Variants in IL12RB1 observed in about 807,000 individuals in gnomAD.
IL12RB1 encodes the protein interleukin 12 receptor subunit beta 1.
IL12RB1 carries 64 observed loss-of-function variants against 94.4 expected under a neutral mutation model. The ratio of observed to expected loss-of-function variants is 0.68; its 90% CI spans 0.55 to 0.83. IL12RB1 has a LOEUF of 0.83. Among genes scored for constraint, IL12RB1 ranks in the 40% least tolerant of loss-of-function variants. The probability of loss-of-function intolerance (pLI) is 0.00; values close to 1 mark genes in which losing one functional copy is unlikely to be tolerated. For missense variants in IL12RB1, 814 were observed against 855.6 expected (o/e 0.95, Z 0.61); for synonymous variants, 362 against 355.5 (o/e 1.02, Z -0.21).
intron 1 of IL12RB1, among the ~76,000 whole-genome samples, chr19:18,094,849 T>C (rs1203212194): frequency 6.6e-6 from 1 of 151,088 alleles, no homozygotes; most frequent in African/African-American, 2.4e-5. Flanking sequence ...ACCCCGGAAG[T>C]CCATTCCTAG....
chr19:18,064,800 A>C (rs2034457139), intron 12 of IL12RB1, among the ~76,000 whole-genome samples: 3 of 152,038 alleles, frequency 2.0e-5, no homozygotes. Context: ...GGGCAGGTGG[A>C]TCTGAGGTTG....
Position 18,059,984 on chromosome 19 carries a change from A to G in IL12RB1, c.1893T>C (p.Pro631=). Residue 631 remains proline, a synonymous_variant, in exon 16 of 17, where the codon CCT becomes CCC. Transcript: ENST00000593993. ...MSWDKGERTE[P]LEKTELPEGA... is the part of the protein sequence containing the mutation. ...CCTCAGGTAGCTCTGTCTTCTCGAG[A>G]GGCTCAGTCCTCTCGCCTTTGTCCC... 5 of 1,601,652 alleles carry G rather than the reference A, an allele frequency of 3.1e-6. No individual in the cohort carries two copies. Among genetic ancestry groups the G allele is most frequent in the Non-Finnish European group, 4.3e-6 (5 of 1,172,304 alleles).
rs569529842 is a variant in IL12RB1, at chr19:18,071,326, C to G, written c.1021+786G>C. The G allele has an allele frequency of 3.3e-4, 269 of 824,546 alleles. 4 individuals are homozygous for G. In the Admixed American group the frequency reaches 5.8e-3, roughly 18 times the overall value. 51.1% of individuals were successfully genotyped at this position (824,546 alleles called of 1,614,324 possible). A position where few individuals can be genotyped will look rare whatever the true frequency, so the allele number is the denominator to read the frequency against. ...GGCGGAGGTTGCAGTGAGCTGAGATCATGCCATCTGTCACAAGAAAAAAAA... is the reference window on the plus strand; with the variant it reads ...GGCGGAGGTTGCAGTGAGCTGAGATGATGCCATCTGTCACAAGAAAAAAAA... On this transcript the variant is annotated intron_variant, in intron 9 of 16. Transcript: ENST00000593993.
rs1555789451 is a variant in IL12RB1, at chr19:18,093,342, A to ATATATT, written c.-229-2574_-229-2573insAATATA. On this transcript the variant is annotated intron_variant, in intron 1 of 4. Coordinates refer to the IL12RB1 transcript ENST00000594176. Reference sequence around the variant, plus strand: ...AACAAAAAAACACAAATATATATATATATATACTTGTGTGTGTGCGTGTGT... The same window carrying ATATATT: ...AACAAAAAAACACAAATATATATATATATATTTATATACTTGTGTGTGTGCGTGTGT... 1.1e-4 allele frequency among the ~76,000 whole-genome samples: 17 copies of ATATATT among 149,808 alleles called. No homozygotes were observed. The East Asian group carries it at 1.6e-3, about 14-fold the overall frequency.
At position 18,061,166 on chromosome 19, in the gene IL12RB1, TG is replaced by T. The variant is rs1246591842; in HGVS notation, c.1746del (p.Thr583HisfsTer37). Reference sequence around the variant, plus strand: ...TCAATGGCGGAGCTGGCACAGGGTGTGGGCAGCGGCGGGCACAGGTGCCGTG... The same window carrying T: ...TCAATGGCGGAGCTGGCACAGGGTGTGGCAGCGGCGGGCACAGGTGCCGTG... ...RAARHLCPPL[P>X]TPCASSAIEF... On this transcript the variant is annotated frameshift_variant, in exon 15 of 17. Coordinates refer to ENST00000593993, the MANE Select transcript of IL12RB1 (RefSeq NM_005535.3). LOFTEE classifies it high-confidence loss of function. The T allele has an allele frequency of 6.2e-7, 1 of 1,602,386 alleles. No individual in the cohort carries two copies. Among genetic ancestry groups the T allele is most frequent in the Non-Finnish European group, 8.5e-7 (1 of 1,173,832 alleles).
chr19:18,083,273 G>C (rs1195419436), intron 2 of IL12RB1, 159 bp downstream of exon 2: 3 of 762,240 alleles, frequency 3.9e-6, no homozygotes, highest in Non-Finnish European at 7.2e-6. Context: ...CTTGAACCTG[G>C]TAAGAATGGG....
Position 18,061,187 on chromosome 19 carries a change from GC to G in IL12RB1, c.1725del (p.His576ThrfsTer44). The part of the protein sequence containing the change: ...LGYLGLNRAA[R>X]HLCPPLPTPC... Reference sequence around the variant, plus strand: ...GGTGTGGGCAGCGGCGGGCACAGGTGCCGTGCGGCCCTGGGGAGGAAAGGGG... The same window carrying G: ...GGTGTGGGCAGCGGCGGGCACAGGTGCGTGCGGCCCTGGGGAGGAAAGGGG... On this transcript the variant is annotated frameshift_variant, in exon 15 of 17. Transcript: ENST00000593993. LOFTEE classifies it high-confidence loss of function. 6.3e-7 allele frequency: 1 copy of G among 1,580,060 alleles called. No individual in the cohort carries two copies. The highest frequency in any genetic ancestry group is 8.6e-7 in the Non-Finnish European group (1 of 1,158,804).
intron 1 of IL12RB1, among the ~76,000 whole-genome samples, chr19:18,086,021 G>C (rs984366641): frequency 6.6e-6 from 1 of 151,964 alleles, no homozygotes; most frequent in East Asian, 1.9e-4. Context: ...TTCGAGACCA[G>C]CCTGGGCAAC....
At chr19:18,095,013 T>C (rs1401320766) in intron 1 of IL12RB1, among the ~76,000 whole-genome samples, 2 of 151,994 alleles carry the variant, frequency 1.3e-5, no homozygotes, top group Non-Finnish European at 2.9e-5. Flanking sequence ...CCCCCGTCTC[T>C]ACTAAAAATG....
rs1451601662 is a variant in IL12RB1, at chr19:18,075,864, GGACTCTGGGGAGA to G, written c.581-9_584del. The G allele has an allele frequency of 6.2e-7, 1 of 1,613,156 alleles. No homozygotes were observed. Among genetic ancestry groups the G allele is most frequent in the African/African-American group, 1.3e-5 (1 of 74,906 alleles). The stretch of plus-strand genomic sequence containing the variant: ...CATTCATCTCCAGGGGGCAGAGGCA[GGACTCTGGGGAGA>G]GGCAGGTCGAACATCAGGCCGTAAG... On this transcript the variant is annotated splice_acceptor_variant and splice_polypyrimidine_tract_variant and coding_sequence_variant and intron_variant, in exon 7 of 17. Coordinates refer to ENST00000593993, the MANE Select transcript of IL12RB1 (RefSeq NM_005535.3). LOFTEE classifies it high-confidence loss of function.
intron 7 of IL12RB1, among the ~76,000 whole-genome samples, 175 bp from the exon 8 acceptor site, chr19:18,073,774 G>A (rs919945229): frequency 6.6e-6 from 1 of 152,188 alleles, no homozygotes; most frequent in Non-Finnish European, 1.5e-5. Context: ...GCATCCCCAG[G>A]GATAACTGCC....
At position 18,077,781 on chromosome 19, in the gene IL12RB1, G is replaced by A; in HGVS notation, c.410-126C>T. The A allele has an allele frequency of 4.1e-6, 3 of 725,096 alleles. No homozygotes were observed. In the South Asian group the frequency reaches 4.3e-5, roughly 10 times the overall value. 44.9% of individuals were successfully genotyped at this position (725,096 alleles called of 1,614,324 possible). A position where few individuals can be genotyped will look rare whatever the true frequency, so the allele number is the denominator to read the frequency against. ...AATATGAATTAGGGGACACTTGCAG[G>A]TCCCAGCTAAGCCTGGTATATTATG... On this transcript the variant is annotated intron_variant, in intron 4 of 16. Coordinates refer to ENST00000593993, the MANE Select transcript of IL12RB1 (RefSeq NM_005535.3).
rs750411887 is a variant in IL12RB1, at chr19:18,080,923, A to G, written c.318T>C (p.Ser106=). The G allele has an allele frequency of 6.2e-6, 10 of 1,613,912 alleles. No homozygotes were observed. Among genetic ancestry groups the G allele is most frequent in the Non-Finnish European group, 8.5e-6 (10 of 1,179,852 alleles). Residue 106 remains serine, a synonymous_variant, in exon 4 of 17, where the codon TCT becomes TCC. Transcript: ENST00000593993. ...RLQFSDQAGV[S]VLYTVTLWVE... ...CCCAGAGTGTGACAGTGTACAGCACAGACACCCCAGCCTGGTCGGAGAACT... is the reference window on the plus strand; with the variant it reads ...CCCAGAGTGTGACAGTGTACAGCACGGACACCCCAGCCTGGTCGGAGAACT...
Position 18,072,253 on chromosome 19 carries a change from T to TA in IL12RB1, c.879dup (p.Lys294Ter). 6.2e-7 allele frequency: 1 copy of TA among 1,614,148 alleles called. No individual in the cohort carries two copies. Among genetic ancestry groups the TA allele is most frequent in the Non-Finnish European group, 8.5e-7 (1 of 1,179,998 alleles). On this transcript the variant is annotated frameshift_variant, in exon 9 of 17. Transcript: ENST00000593993. LOFTEE classifies it high-confidence loss of function. ...TGCAGGGTCCTGGTGGCCTTGGCCT[T>TA]ACACGGGCAGGACAGCATGTGGAGC...
intron 11 of IL12RB1, 46 bp downstream of exon 11, chr19:18,068,343 T>A: frequency 6.6e-7 from 1 of 1,504,130 alleles, no homozygotes; most frequent in East Asian, 2.4e-5. Flanking sequence ...TTTTAAATTA[T>A]TTAAAAAGAA....
At chr19:18,068,306 G>C in intron 11 of IL12RB1, 83 bp downstream of exon 11, 1 of 1,141,226 alleles carries the variant, frequency 8.8e-7, no homozygotes, top group East Asian at 2.6e-5. Flanking sequence ...GATTACATGC[G>C]TGAGTCACTG....
chr19:18,059,781 G>C (rs1005627741), intron 16 of IL12RB1, 113 bp downstream of exon 16: 2 of 733,280 alleles, frequency 2.7e-6, no homozygotes, highest in East Asian at 2.7e-5. Flanking sequence ...GGATGTTTTC[G>C]TTTCTCCCTC....
rs1168529269 is a variant in IL12RB1 at position 18,062,294 on chromosome 19, T to G, written c.1619-17A>C. On this transcript the variant is annotated splice_polypyrimidine_tract_variant and intron_variant, in intron 13 of 16. Coordinates refer to ENST00000593993, the MANE Select transcript of IL12RB1 (RefSeq NM_005535.3). Reference sequence around the variant, plus strand: ...CCTGCACTTCTGAGGTGGGAGAGCGTGGGTTGGCAGAGGGCTACCTCCTGC... The same window carrying G: ...CCTGCACTTCTGAGGTGGGAGAGCGGGGGTTGGCAGAGGGCTACCTCCTGC... 3 of 1,562,530 alleles carry G rather than the reference T, an allele frequency of 1.9e-6. No individual in the cohort carries two copies. In the Admixed American group the frequency reaches 5.1e-5, roughly 26 times the overall value.
intron 9 of IL12RB1, among the ~76,000 whole-genome samples, chr19:18,071,622 T>TA (rs538648064): frequency 2.2e-5 from 3 of 136,576 alleles, no homozygotes; most frequent in Non-Finnish European, 3.3e-5. Context: ...CTCTGTCTCT[T>TA]AAAAAAAACA....
Sources: gnomAD v4.1 joint callset for allele counts (sites outside exome capture counted in the v4.1 genomes callset) on GRCh38, gnomAD v4.1.1 for gene constraint, MANE v1.5 for transcripts, NCBI Gene and HGNC (gene_info 2026-07-23, HGNC 2026-07-21) for gene names.